PTPRJ: variants seen among roughly 807,000 people sequenced by gnomAD.
PTPRJ encodes receptor-type tyrosine-protein phosphatase eta.
Under a neutral mutation model 141.3 loss-of-function variants are expected in PTPRJ, and 129 were observed. That is an observed-to-expected ratio of 0.91 (90% confidence interval 0.79 to 1.06). The LOEUF is 1.06. Ranked by LOEUF, PTPRJ falls within the 50% of genes least tolerant of loss-of-function variation. PTPRJ has a pLI of 0.00. For missense variants in PTPRJ, 1,601 were observed against 1,679.7 expected, an observed-to-expected ratio of 0.95 and a Z score of 0.82; for synonymous variants, 610 against 640.5, an observed-to-expected ratio of 0.95 and a Z score of 0.72.
chr11:48,047,498 A>ATTTTTTTTTTTTTTTTTTTTT (rs58387057), intron 1 of PTPRJ, among the ~76,000 whole-genome samples: 1 of 146,616 alleles, frequency 6.8e-6, no homozygotes. Flanking sequence ...ACCTATGGTA[A>ATTTTTTTTTTTTTTTTTTTTT]TTTTTTTTTT....
chr11:48,066,589 A>G lies in PTPRJ; in HGVS notation c.97-43469A>G, dbSNP rs187553206. 3.1e-3 allele frequency among the ~76,000 whole-genome samples: 422 copies of G among 136,848 alleles called. 1 individual carries two copies. Among genetic ancestry groups the G allele is most frequent in the African/African-American group, 0.011 (394 of 35,398 alleles). 89.8% of individuals were successfully genotyped at this position (136,848 alleles called of 152,430 possible). A position where few individuals can be genotyped will look rare whatever the true frequency, so the allele number is the denominator to read the frequency against. On this transcript the variant is annotated intron_variant, in intron 1 of 24. Coordinates refer to ENST00000418331, the MANE Select transcript of PTPRJ (RefSeq NM_002843.4). The stretch of plus-strand genomic sequence containing the variant: ...TATTATTATTATTATTATTATTATT[A>G]TTATTATTATTATTGAGACTGAGTC...
intron 1 of PTPRJ, chr11:48,015,973 C>G (rs942109188): frequency 6.6e-6 from 1 of 152,204 alleles, no homozygotes; most frequent in Non-Finnish European, 1.5e-5. Context: ...CACCCTCTTT[C>G]CAACATACTC....
intron 1 of PTPRJ, among the ~76,000 whole-genome samples, chr11:48,092,885 T>C (rs1855907902): frequency 6.6e-6 from 1 of 152,236 alleles, no homozygotes; most frequent in Admixed American, 6.5e-5. Context: ...AGTGCCGCAA[T>C]GAACATGGGC....
rs112371800 is a variant in PTPRJ, at chr11:48,111,595, A to C, written c.116-1152A>C. 9.7e-3 allele frequency among the ~76,000 whole-genome samples: 1,485 copies of C among 152,328 alleles called. 30 individuals are homozygous for C. Among genetic ancestry groups the C allele is most frequent in the African/African-American group, 0.034 (1,401 of 41,588 alleles). Reference sequence around the variant, plus strand: ...TTTCTTCCTGTTAATTAGTTTAATAAATAAACTGGTGGGTACCTTGTACAG... The same window carrying C: ...TTTCTTCCTGTTAATTAGTTTAATACATAAACTGGTGGGTACCTTGTACAG... On this transcript the variant is annotated intron_variant, in intron 2 of 24. Coordinates refer to ENST00000418331, the MANE Select transcript of PTPRJ (RefSeq NM_002843.4).
chr11:48,065,529 A>G (rs992127856), intron 1 of PTPRJ, among the ~76,000 whole-genome samples: 8 of 152,114 alleles, frequency 5.3e-5, no homozygotes, highest in Non-Finnish European at 8.8e-5. Flanking sequence ...TGTAAATTGT[A>G]TATCCTCTGT....
At chr11:48,097,283 C>T (rs1407867493) in intron 1 of PTPRJ, among the ~76,000 whole-genome samples, 1 of 152,088 alleles carries the variant, frequency 6.6e-6, no homozygotes, top group Non-Finnish European at 1.5e-5. Context: ...GTAGTAGGAC[C>T]AGCATGAACC....
In PTPRJ at chr11:48,112,755, C is replaced by G; in HGVS notation, c.124C>G (p.Pro42Ala). Residue 42 changes from proline to alanine, a missense_variant, in exon 3 of 25, where the codon CCA (proline) becomes GCA (alanine). Transcript: ENST00000418331. ...QILCAGGTPSPIPDPSVATVA... is the reference protein window; with the variant it reads ...QILCAGGTPSAIPDPSVATVA... ...TTACTTTCTTTGCATAGCCCCTAGT[C>G]CAATTCCTGACCCTTCAGTAGCAAC... 6.2e-7 allele frequency: 1 copy of G among 1,612,392 alleles called. No individual in the cohort carries two copies.
chr11:48,129,919 C>T (rs912933555), intron 7 of PTPRJ, among the ~76,000 whole-genome samples: 3 of 152,164 alleles, frequency 2.0e-5, no homozygotes, highest in Non-Finnish European at 4.4e-5. Context: ...TACCTCTGCT[C>T]ATGCTTCGTT....
intron 23 of PTPRJ, among the ~76,000 whole-genome samples, chr11:48,163,901 T>A (rs1857847532): frequency 6.6e-6 from 1 of 152,222 alleles, no homozygotes; most frequent in Non-Finnish European, 1.5e-5. Context: ...TGGTTGCTTT[T>A]CTGCTACAGT....
intron 1 of PTPRJ, among the ~76,000 whole-genome samples, chr11:48,088,139 C>G (rs1008968689): frequency 3.3e-5 from 5 of 152,198 alleles, no homozygotes; most frequent in Non-Finnish European, 7.3e-5. Flanking sequence ...TGCCCAGGGT[C>G]AAATGCTGTG....
At chr11:48,023,864 GTTT>G (rs1349169411) in intron 1 of PTPRJ, among the ~76,000 whole-genome samples, 1 of 151,852 alleles carries the variant, frequency 6.6e-6, no homozygotes, top group Non-Finnish European at 1.5e-5. Context: ...TTCAATTCCA[GTTT>G]TTATTAGATC....
chr11:48,089,345 A>G (rs1215981786), intron 1 of PTPRJ, among the ~76,000 whole-genome samples: 1 of 152,084 alleles, frequency 6.6e-6, no homozygotes, highest in East Asian at 1.9e-4. Flanking sequence ...GGTGAAGCCC[A>G]TCTCAACTAA....
intron 8 of PTPRJ, among the ~76,000 whole-genome samples, chr11:48,131,070 A>ATTT (rs71045547): frequency 4.9e-4 from 23 of 46,550 alleles, no homozygotes; most frequent in Admixed American, 8.3e-4. Context: ...ATATATATAT[A>ATTT]TTTTTTTTTT....
chr11:48,061,286 T>C (rs1854914848), intron 1 of PTPRJ, among the ~76,000 whole-genome samples: 1 of 152,204 alleles, frequency 6.6e-6, no homozygotes, highest in Non-Finnish European at 1.5e-5. Flanking sequence ...CTCTTCTCCT[T>C]TCTAACACAA....
At chr11:48,027,806 A>C in intron 1 of PTPRJ, among the ~76,000 whole-genome samples, 1 of 150,444 alleles carries the variant, frequency 6.6e-6, no homozygotes, top group African/African-American at 2.4e-5. Context: ...AAAAAAAAAA[A>C]AAAAAAAAAA....
At chr11:48,061,305 C>T (rs1854915069) in intron 1 of PTPRJ, among the ~76,000 whole-genome samples, 1 of 152,156 alleles carries the variant, frequency 6.6e-6, no homozygotes, top group African/African-American at 2.4e-5. Flanking sequence ...AAGCCTGCTT[C>T]TCAGTTTCAC....
chr11:47,989,125 C>T (rs375415982), intron 1 of PTPRJ, among the ~76,000 whole-genome samples: 19 of 151,366 alleles, frequency 1.3e-4, no homozygotes, highest in Admixed American at 2.0e-4. Context: ...CCTTGTGATC[C>T]GCCCGCCTCG....
In PTPRJ at chr11:48,142,949, T is replaced by C; in HGVS notation, c.2474T>C (p.Ile825Thr). The C allele has an allele frequency of 6.2e-7, 1 of 1,614,102 alleles. No homozygotes were observed. Among genetic ancestry groups the C allele is most frequent in the Non-Finnish European group, 8.5e-7 (1 of 1,179,940 alleles). ...DPPPPDGSPN[I>T]TSVSHNSVKV... ...CCTCCTCCAGATGGATCCCCTAATA[T>C]TACATCTGTCAGTCACAATTCAGTA... Residue 825 changes from isoleucine (I) to threonine (T), a missense_variant, in exon 12 of 25, where the codon ATT (isoleucine) becomes ACT (threonine). Transcript: ENST00000418331.
At chr11:47,982,833 T>C (rs1659127004) in intron 1 of PTPRJ, among the ~76,000 whole-genome samples, 1 of 152,172 alleles carries the variant, frequency 6.6e-6, no homozygotes, top group Non-Finnish European at 1.5e-5. Context: ...ACACTTGTCC[T>C]GTATTTAGAT....
Sources: allele counts gnomAD v4.1 joint callset (sites outside exome capture counted in the v4.1 genomes callset), GRCh38; gene constraint gnomAD v4.1.1; transcripts MANE v1.5; gene names NCBI Gene and HGNC (gene_info 2026-07-23, HGNC 2026-07-21).